The following PABPC4L variants were observed in gnomAD, a reference collection of about 807,000 sequenced individuals.
PABPC4L encodes poly(A) binding protein cytoplasmic 4 like, also known as polyadenylate-binding protein 4-like.
For missense variants in PABPC4L, 452 were observed against 451.4 expected, an observed-to-expected ratio of 1.00 and a Z score of -0.01; for synonymous variants, 169 against 164.1, an observed-to-expected ratio of 1.03 and a Z score of -0.23.
At chr4:134,047,086 C>T in the PABPC4L span, among the ~76,000 whole-genome samples, 78 of 152,314 alleles carry the variant, frequency 5.1e-4, 1 homozygote, top group East Asian at 0.013. Context: ...GCCACTATGA[C>T]TTGCTGTTTA....
At chr4:134,192,899 T>C (rs1368401633), downstream of PABPC4L, among the ~76,000 whole-genome samples, 1 of 152,090 alleles carries the variant, frequency 6.6e-6, no homozygotes, top group Non-Finnish European at 1.5e-5. Context: ...GTTGGAGGGG[T>C]ACAGGTAATG....
chr4:134,151,126 G>A, the PABPC4L span, among the ~76,000 whole-genome samples: 1 of 152,026 alleles, frequency 6.6e-6, no homozygotes, highest in African/African-American at 2.4e-5. Flanking sequence ...GCTTATTTTG[G>A]GGAAAGGGAG....
At chr4:134,015,325 T>G in the PABPC4L span, among the ~76,000 whole-genome samples, 1 of 152,272 alleles carries the variant, frequency 6.6e-6, no homozygotes, top group Admixed American at 6.5e-5. Flanking sequence ...TCAACAAAAT[T>G]GTTTTGCCTA....
At chr4:134,195,593 T>C (rs1729631780), downstream of PABPC4L, among the ~76,000 whole-genome samples, 1 of 151,764 alleles carries the variant, frequency 6.6e-6, no homozygotes, top group South Asian at 2.1e-4. Context: ...TGATGGAATA[T>C]CATTGTACAA....
rs1729866738 is a variant in PABPC4L, at chr4:134,201,142, G to C, written c.-123C>G. The C allele has an allele frequency of 6.5e-7, 1 of 1,550,032 alleles. No individual in the cohort carries two copies. The highest frequency in any genetic ancestry group is 8.7e-7 in the Non-Finnish European group (1 of 1,146,690). On this transcript the variant is annotated 5_prime_UTR_variant, in exon 2 of 2. Coordinates refer to ENST00000421491, the MANE Select transcript of PABPC4L (RefSeq NM_001114734.2). ...GAGGCCTCGGGATCACCACACAAAG[G>C]CCAAGCAATGGAGTTCAGACACGAC...
the PABPC4L span, among the ~76,000 whole-genome samples, chr4:134,163,493 A>C: frequency 6.6e-6 from 1 of 152,306 alleles, no homozygotes; most frequent in African/African-American, 2.4e-5. Context: ...ATCATCTCTT[A>C]TTCATTCTGT....
At chr4:134,122,681 C>T in the PABPC4L span, among the ~76,000 whole-genome samples, 1 of 151,884 alleles carries the variant, frequency 6.6e-6, no homozygotes, top group Non-Finnish European at 1.5e-5. Context: ...TAAAAGGGAA[C>T]TCAATTTAAA....
the PABPC4L span, among the ~76,000 whole-genome samples, chr4:134,054,351 G>T: frequency 6.9e-6 from 1 of 144,788 alleles, no homozygotes; most frequent in Non-Finnish European, 1.5e-5. Flanking sequence ...TTTATTTTAA[G>T]TATAAATTCA....
chr4:134,112,163 A>G, the PABPC4L span, among the ~76,000 whole-genome samples: 2 of 152,004 alleles, frequency 1.3e-5, no homozygotes, highest in African/African-American at 4.8e-5. Flanking sequence ...CACATTATTT[A>G]GAAAACTACA....
the PABPC4L span, among the ~76,000 whole-genome samples, chr4:134,114,399 A>G: frequency 6.6e-6 from 1 of 151,886 alleles, no homozygotes; most frequent in Non-Finnish European, 1.5e-5. Context: ...AGCCCATAAA[A>G]GGGAAGAAAG....
At chr4:134,049,848 T>C in the PABPC4L span, among the ~76,000 whole-genome samples, 11 of 152,194 alleles carry the variant, frequency 7.2e-5, no homozygotes, top group Non-Finnish European at 1.2e-4. Flanking sequence ...TAAATGAGAC[T>C]AACTCAGTTT....
At chr4:133,980,615 C>T in the PABPC4L span, among the ~76,000 whole-genome samples, 2 of 152,048 alleles carry the variant, frequency 1.3e-5, no homozygotes, top group South Asian at 2.1e-4. Flanking sequence ...ATGTTGGTCA[C>T]CCCATTTTAT....
the PABPC4L span, among the ~76,000 whole-genome samples, chr4:134,061,620 CAGAGAGAG>C: frequency 0.042 from 6,035 of 143,346 alleles, 172 homozygotes; most frequent in East Asian, 0.11. Context: ...CAAACATACA[CAGAGAGAG>C]AGAGAGAGAG....
At chr4:133,970,047 TTATTTAAAA>T in the PABPC4L span, among the ~76,000 whole-genome samples, 163 of 145,700 alleles carry the variant, frequency 1.1e-3, no homozygotes, top group African/African-American at 3.9e-3. Context: ...ATTTATTTAT[TTATTTAAAA>T]TATTTAAAAT....
chr4:133,979,429 C>T, the PABPC4L span, among the ~76,000 whole-genome samples: 2 of 152,190 alleles, frequency 1.3e-5, no homozygotes, highest in Admixed American at 1.3e-4. Flanking sequence ...AATAAGAACA[C>T]GTTGTATAGA....
At chr4:133,994,959 GT>G in the PABPC4L span, among the ~76,000 whole-genome samples, 4 of 152,176 alleles carry the variant, frequency 2.6e-5, no homozygotes, top group South Asian at 6.2e-4. Context: ...CCTTTTTAGG[GT>G]CTTCTTCTTT....
chr4:134,181,121 A>G, the PABPC4L span, among the ~76,000 whole-genome samples: 1 of 152,058 alleles, frequency 6.6e-6, no homozygotes, highest in Non-Finnish European at 1.5e-5. Flanking sequence ...AAAATCCTCA[A>G]TAAAACACAA....
At chr4:134,133,665 A>G in the PABPC4L span, among the ~76,000 whole-genome samples, 1 of 151,668 alleles carries the variant, frequency 6.6e-6, no homozygotes, top group African/African-American at 2.4e-5. Flanking sequence ...AGAATGATAC[A>G]ATGGACTTTG....
chr4:134,075,994 C>A, the PABPC4L span, among the ~76,000 whole-genome samples: 1 of 150,572 alleles, frequency 6.6e-6, no homozygotes, highest in Non-Finnish European at 1.5e-5. Context: ...ACAGGGCAAT[C>A]ATTTCTTATA....
Sources: gnomAD v4.1 joint callset for allele counts (sites outside exome capture counted in the v4.1 genomes callset) on GRCh38, gnomAD v4.1.1 for gene constraint, MANE v1.5 for transcripts, NCBI Gene and HGNC (gene_info 2026-07-23, HGNC 2026-07-21) for gene names.